The following ZDHHC2 variants were observed in gnomAD, a reference collection of about 807,000 sequenced individuals.
The protein encoded by ZDHHC2 is zDHHC palmitoyltransferase 2.
Under a neutral mutation model 55.6 loss-of-function variants are expected in ZDHHC2, and 51 were observed. The observed-to-expected ratio is 0.92, with a 90% CI of 0.73 to 1.16. The LOEUF (loss-of-function observed/expected upper bound fraction) is 1.16. Among genes scored for constraint, ZDHHC2 ranks in the 50% most tolerant of loss-of-function variants. ZDHHC2 has a pLI of 0.00. For synonymous variants in ZDHHC2, 199 were observed against 152.9 expected (o/e 1.30, Z -2.22); for missense variants, 491 against 442.4 (o/e 1.11, Z -0.99).
At chr8:17,204,200 T>G (rs1012610493) in intron 6 of ZDHHC2, among the ~76,000 whole-genome samples, 3 of 152,240 alleles carry the variant, frequency 2.0e-5, no homozygotes, top group African/African-American at 7.2e-5. Flanking sequence ...CCTTATATTT[T>G]TTGAGGGAGA....
At chr8:17,187,973 C>T (rs908492528) in intron 3 of ZDHHC2, among the ~76,000 whole-genome samples, 2 of 152,218 alleles carry the variant, frequency 1.3e-5, no homozygotes, top group African/African-American at 4.8e-5. Flanking sequence ...TATCACTGCT[C>T]TAATTCTGGG....
In ZDHHC2 at chr8:17,186,385, G is replaced by C. The variant is rs1315929933; in HGVS notation, c.212G>C (p.Trp71Ser). The C allele has an allele frequency of 6.3e-7, 1 of 1,583,442 alleles. No individual in the cohort carries two copies. The highest frequency in any genetic ancestry group is 1.4e-5 in the African/African-American group (1 of 73,138). Residue 71 changes from tryptophan (W) to serine (S), a missense_variant, in exon 3 of 13, where the codon TGG (tryptophan) becomes TCG (serine). Transcript: ENST00000262096. ...LLFAMFVWSY[W>S]KTIFTLPMNP... ...TTTGCAATGTTTGTCTGGTCATACT[G>C]GAAAACTATCTTTACATTACCAATG...
intron 3 of ZDHHC2, among the ~76,000 whole-genome samples, chr8:17,186,950 C>T (rs1011202117): frequency 1.3e-5 from 2 of 152,134 alleles, no homozygotes; most frequent in Admixed American, 6.5e-5. Flanking sequence ...GGGGACTCTG[C>T]GGTTCCAACC....
chr8:17,184,763 C>G lies in ZDHHC2; in HGVS notation c.131-26C>G, dbSNP rs142642120. 347 of 1,547,052 alleles carry G rather than the reference C, an allele frequency of 2.2e-4. 3 individuals are homozygous for G. The African/African-American group carries it at 4.5e-3, about 20-fold the overall frequency. On this transcript the variant is annotated intron_variant, in intron 1 of 12. Coordinates refer to ENST00000262096, the MANE Select transcript of ZDHHC2 (RefSeq NM_016353.5). ...CCCGTTTGCCATAAGCTTCATGTAA[C>G]CTATTACCTTTTTTTCTCTTTACAG...
chr8:17,184,947 A>G (rs1805635556), intron 2 of ZDHHC2, 132 bp downstream of exon 2: 5 of 753,982 alleles, frequency 6.6e-6, no homozygotes, highest in African/African-American at 5.3e-5. Context: ...AAGATGTCTC[A>G]TTTCTCTTAA....
chr8:17,157,661 A>G (rs1207474887), intron 1 of ZDHHC2: 1 of 152,220 alleles, frequency 6.6e-6, no homozygotes, highest in Non-Finnish European at 1.5e-5. Flanking sequence ...GATGTCGCTT[A>G]ATGTAAGCTG....
intron 11 of ZDHHC2, among the ~76,000 whole-genome samples, 190 bp from the exon 12 acceptor site, chr8:17,216,982 T>C (rs527586336): frequency 2.6e-5 from 4 of 152,232 alleles, no homozygotes; most frequent in East Asian, 1.9e-4. Flanking sequence ...GGGAGAGAGA[T>C]AGTGGTTGTA....
intron 6 of ZDHHC2, among the ~76,000 whole-genome samples, chr8:17,199,637 TCTCCTC>T (rs377155242): frequency 1.0e-5 from 1 of 98,434 alleles, no homozygotes; most frequent in African/African-American, 3.1e-5. Context: ...TTCTTCTTCT[TCTCCTC>T]CTCCTCCTCC....
intron 3 of ZDHHC2, among the ~76,000 whole-genome samples, chr8:17,188,487 C>T (rs924956846): frequency 6.6e-6 from 1 of 152,166 alleles, no homozygotes; most frequent in Non-Finnish European, 1.5e-5. Flanking sequence ...TATTCTTACC[C>T]CTTTCTCATG....
intron 3 of ZDHHC2, among the ~76,000 whole-genome samples, chr8:17,189,885 G>A (rs772838922): frequency 1.1e-4 from 16 of 152,110 alleles, no homozygotes; most frequent in Admixed American, 9.8e-4. Flanking sequence ...TACAGATGGA[G>A]CCACTGGCTT....
chr8:17,171,707 G>A lies in ZDHHC2; in HGVS notation c.131-13082G>A, dbSNP rs577871596. On this transcript the variant is annotated intron_variant, in intron 1 of 12. Coordinates refer to ENST00000262096, the MANE Select transcript of ZDHHC2 (RefSeq NM_016353.5). The stretch of plus-strand genomic sequence containing the variant: ...TGCTACAGAAATGATGTTGAATTCC[G>A]CCACGTGTGACAACATGGATGAACC... Among the ~76,000 whole-genome samples the A allele has an allele frequency of 4.6e-5, 7 of 151,760 alleles. No individual in the cohort carries two copies. In the South Asian group the frequency reaches 1.3e-3, roughly 27 times the overall value.
intron 1 of ZDHHC2, 69 bp from the exon 2 acceptor site, chr8:17,184,720 C>G (rs571583874): frequency 2.3e-6 from 3 of 1,333,184 alleles, no homozygotes; most frequent in Non-Finnish European, 3.1e-6. Flanking sequence ...ACTTAAATGC[C>G]TTATGTCTGT....
chr8:17,156,964 G>C, intron 1 of ZDHHC2, 111 bp downstream of exon 1: 3 of 1,057,242 alleles, frequency 2.8e-6, no homozygotes, highest in Non-Finnish European at 3.8e-6. Flanking sequence ...CCCGGGCGCT[G>C]CCAACCTGCC....
chr8:17,181,835 A>C (rs1805448613), intron 1 of ZDHHC2, among the ~76,000 whole-genome samples: 1 of 152,146 alleles, frequency 6.6e-6, no homozygotes, highest in Non-Finnish European at 1.5e-5. Context: ...TGTTATCTTT[A>C]TATACATAAA....
intron 1 of ZDHHC2, among the ~76,000 whole-genome samples, chr8:17,164,960 G>A (rs964037530): frequency 1.3e-5 from 2 of 152,178 alleles, no homozygotes; most frequent in African/African-American, 4.8e-5. Flanking sequence ...CATCCCTTTG[G>A]ATCCCATGAG....
At chr8:17,157,900 G>T (rs1804143259) in intron 1 of ZDHHC2, among the ~76,000 whole-genome samples, 1 of 152,148 alleles carries the variant, frequency 6.6e-6, no homozygotes. Flanking sequence ...CATTTTCAAA[G>T]CCTCAAGATT....
intron 1 of ZDHHC2, among the ~76,000 whole-genome samples, chr8:17,164,792 A>G (rs894120211): frequency 3.9e-5 from 6 of 152,152 alleles, no homozygotes; most frequent in African/African-American, 1.4e-4. Flanking sequence ...CTTTGTCATG[A>G]TTACCTATTT....
intron 1 of ZDHHC2, 75 bp downstream of exon 1, chr8:17,156,928 C>A: frequency 2.2e-6 from 3 of 1,348,430 alleles, no homozygotes; most frequent in South Asian, 3.1e-5. Context: ...CTCAGCCGCT[C>A]CTCCGCTCTC....
chr8:17,172,972 C>G (rs1032499463), intron 1 of ZDHHC2, among the ~76,000 whole-genome samples: 1 of 152,082 alleles, frequency 6.6e-6, no homozygotes, highest in East Asian at 1.9e-4. Context: ...TTTTTGTATC[C>G]AAAGTTTGTA....
Sources: gnomAD v4.1 joint callset for allele counts (sites outside exome capture counted in the v4.1 genomes callset) on GRCh38, gnomAD v4.1.1 for gene constraint, MANE v1.5 for transcripts, NCBI Gene and HGNC (gene_info 2026-07-23, HGNC 2026-07-21) for gene names.